The following PPARGC1A variants were observed in gnomAD, a reference collection of about 807,000 sequenced individuals.
PPARGC1A encodes PPARG coactivator 1 alpha, also known as peroxisome proliferator-activated receptor gamma coactivator 1-alpha.
A neutral mutation model predicts 88.7 loss-of-function variants in PPARGC1A; 25 were observed. That is an observed-to-expected ratio of 0.28 (90% CI 0.21 to 0.39). The LOEUF (loss-of-function observed/expected upper bound fraction) is 0.39. Among genes scored for constraint, PPARGC1A ranks in the 10% least tolerant of loss-of-function variants. The probability of loss-of-function intolerance (pLI) is 1.00; values close to 1 mark genes in which losing one functional copy is unlikely to be tolerated. For synonymous variants in PPARGC1A, 363 were observed against 355.6 expected (o/e 1.02, Z -0.24); for missense variants, 880 against 968.7 (o/e 0.91, Z 1.22).
the PPARGC1A span, among the ~76,000 whole-genome samples, chr4:23,965,276 G>T: frequency 1.3e-5 from 2 of 152,200 alleles, no homozygotes; most frequent in Non-Finnish European, 2.9e-5. Context: ...ACAGTTGCTT[G>T]TGTATCAGTT....
chr4:24,071,144 A>G, the PPARGC1A span, among the ~76,000 whole-genome samples: 1 of 152,180 alleles, frequency 6.6e-6, no homozygotes, highest in Admixed American at 6.6e-5. Context: ...GAAGGCCAGG[A>G]CATCCTATCG....
chr4:24,072,628 T>C, the PPARGC1A span, among the ~76,000 whole-genome samples: 3 of 152,144 alleles, frequency 2.0e-5, no homozygotes, highest in South Asian at 2.1e-4. Flanking sequence ...AAAAATATTT[T>C]ATTTCTTCAA....
At chr4:24,426,400 A>G in the PPARGC1A span, among the ~76,000 whole-genome samples, 2 of 152,334 alleles carry the variant, frequency 1.3e-5, no homozygotes, top group South Asian at 4.1e-4. Flanking sequence ...AATCTCCTTG[A>G]CAGCATACGA....
At chr4:24,282,909 G>A in the PPARGC1A span, among the ~76,000 whole-genome samples, 1,477 of 152,130 alleles carry the variant, frequency 9.7e-3, 31 homozygotes, top group African/African-American at 0.033. Context: ...GAGAATAAGC[G>A]GGCGATTAAC....
chr4:23,972,920 G>A, the PPARGC1A span, among the ~76,000 whole-genome samples: 2 of 152,088 alleles, frequency 1.3e-5, no homozygotes, highest in Non-Finnish European at 2.9e-5. Flanking sequence ...CTCAGACTTC[G>A]ACCTGTGACT....
At chr4:23,924,617 A>G in the PPARGC1A span, among the ~76,000 whole-genome samples, 12 of 152,264 alleles carry the variant, frequency 7.9e-5, no homozygotes, top group African/African-American at 2.2e-4. Flanking sequence ...GCGAGACTCC[A>G]TCTCGAAAAA....
rs187341748 is a variant in PPARGC1A at position 23,825,364 on chromosome 4, G to A, written c.758-856C>T. The stretch of plus-strand genomic sequence containing the variant: ...TAAGCATATGTTTATGTGTATGTAG[G>A]TTTATGTCAATTTTTTCTCATTAAA... On this transcript the variant is annotated intron_variant, in intron 5 of 12. Coordinates refer to ENST00000264867, the MANE Select transcript of PPARGC1A (RefSeq NM_013261.5). 2.8e-3 allele frequency: 424 copies of A among 152,062 alleles called. 4 individuals carry two copies. Among genetic ancestry groups the A allele is most frequent in the African/African-American group, 9.7e-3 (403 of 41,510 alleles). The allele number at this position is 152,062 out of a possible 1,614,324, so 9.4% of individuals were successfully genotyped here.
At chr4:24,153,193 C>A in the PPARGC1A span, among the ~76,000 whole-genome samples, 9 of 152,124 alleles carry the variant, frequency 5.9e-5, no homozygotes, top group African/African-American at 2.2e-4. Context: ...TCTGTTTATA[C>A]AGTTACATGA....
chr4:24,102,816 C>T, the PPARGC1A span, among the ~76,000 whole-genome samples: 1 of 152,172 alleles, frequency 6.6e-6, no homozygotes, highest in African/African-American at 2.4e-5. Flanking sequence ...AGGCAGCCCA[C>T]ATGGAGCACA....
chr4:24,370,202 G>A, the PPARGC1A span, among the ~76,000 whole-genome samples: 2 of 151,734 alleles, frequency 1.3e-5, no homozygotes, highest in African/African-American at 4.8e-5. Context: ...ATTTAAAATG[G>A]TAACAAAATT....
the PPARGC1A span, among the ~76,000 whole-genome samples, chr4:24,316,041 G>T: frequency 6.6e-6 from 1 of 152,202 alleles, no homozygotes; most frequent in Non-Finnish European, 1.5e-5. Context: ...CTGGACCCAA[G>T]ACTTTTCATT....
chr4:24,229,152 C>CTTTTTTTTTTTTT, the PPARGC1A span, among the ~76,000 whole-genome samples: 20 of 60,916 alleles, frequency 3.3e-4, 1 homozygote, highest in East Asian at 5.7e-4. Flanking sequence ...GTATCTGGAC[C>CTTTTTTTTTTTTT]TTTTTTTTTT....
chr4:24,012,162 C>T, the PPARGC1A span, among the ~76,000 whole-genome samples: 1 of 151,944 alleles, frequency 6.6e-6, no homozygotes, highest in Non-Finnish European at 1.5e-5. Context: ...TCTTAGACAC[C>T]AAGAAATATT....
At chr4:23,990,143 T>C in the PPARGC1A span, among the ~76,000 whole-genome samples, 2 of 147,266 alleles carry the variant, frequency 1.4e-5, no homozygotes, top group Admixed American at 1.4e-4. Flanking sequence ...TAATTATGTA[T>C]ATATAATCCA....
the PPARGC1A span, among the ~76,000 whole-genome samples, chr4:24,406,279 G>T: frequency 6.6e-6 from 1 of 152,158 alleles, no homozygotes; most frequent in Non-Finnish European, 1.5e-5. Context: ...AAGTTAGGCT[G>T]CATGTAAATA....
chr4:24,395,780 C>T, the PPARGC1A span, among the ~76,000 whole-genome samples: 1 of 152,188 alleles, frequency 6.6e-6, no homozygotes, highest in East Asian at 1.9e-4. Context: ...AGGGAGGACA[C>T]AGTGGAGCTT....
intron 12 of PPARGC1A, among the ~76,000 whole-genome samples, chr4:23,799,533 C>CTA (rs1718271403): frequency 1.3e-5 from 2 of 152,208 alleles, no homozygotes; most frequent in Admixed American, 6.5e-5. Flanking sequence ...CCTCTTCAGA[C>CTA]TATACAATGA....
intron 2 of PPARGC1A, among the ~76,000 whole-genome samples, chr4:23,844,916 G>T (rs1297598324): frequency 7.2e-6 from 1 of 139,444 alleles, no homozygotes; most frequent in Non-Finnish European, 1.5e-5. Context: ...AAAAAAAGAG[G>T]TAGCATTTGG....
At chr4:23,888,114 C>G (rs189831558) in intron 1 of PPARGC1A, among the ~76,000 whole-genome samples, 107 of 152,270 alleles carry the variant, frequency 7.0e-4, no homozygotes, top group African/African-American at 2.4e-3. Context: ...ACCTGCTGCT[C>G]GTAATATTTT....
Sources: allele counts gnomAD v4.1 joint callset (sites outside exome capture counted in the v4.1 genomes callset), GRCh38; gene constraint gnomAD v4.1.1; transcripts MANE v1.5; gene names NCBI Gene and HGNC (gene_info 2026-07-23, HGNC 2026-07-21).